Variants in CDC14B observed in about 807,000 individuals in gnomAD.
CDC14B encodes cell division cycle 14B.
Under a neutral mutation model 64.2 loss-of-function variants are expected in CDC14B, and 22 were observed. The ratio of observed to expected loss-of-function variants is 0.34; its 90% CI spans 0.24 to 0.49. The LOEUF (loss-of-function observed/expected upper bound fraction) is 0.49. Ranked by LOEUF, CDC14B falls within the 20% of genes least tolerant of loss-of-function variation. CDC14B has a pLI of 0.99. For missense variants in CDC14B, 498 were observed against 629.9 expected, an observed-to-expected ratio of 0.79 and a Z score of 2.24; for synonymous variants, 191 against 215.8, an observed-to-expected ratio of 0.89 and a Z score of 1.01.
At chr9:96,506,396 CAATTCTTAAAACCTATACAT>C (rs1190309717) in intron 13 of CDC14B, among the ~76,000 whole-genome samples, 1 of 152,268 alleles carries the variant, frequency 6.6e-6, no homozygotes, top group East Asian at 1.9e-4. Context: ...TGGCTAACTC[CAATTCTTAAAACCTATACAT>C]AATTTGCCTT....
chr9:96,497,455 C>T (rs1030509600), downstream of CDC14B, among the ~76,000 whole-genome samples: 3 of 152,196 alleles, frequency 2.0e-5, no homozygotes, highest in African/African-American at 4.8e-5. Flanking sequence ...GGGCAGGCTG[C>T]GCCAACCGCT....
At position 96,515,903 on chromosome 9, in the gene CDC14B, C is replaced by T; in HGVS notation, c.1344-6114G>A. On this transcript the variant is annotated intron_variant, in intron 12 of 13. Transcript: ENST00000375241. The surrounding 1 kb of genome is among the most constrained non-coding windows in gnomAD (Gnocchi z 4.3). ...GTGAATTTTAGACACCCTAAAAGCC[C>T]AGCCAACAGCAACAGGGATACAAAG... 1 of 921,814 alleles carries T rather than the reference C, an allele frequency of 1.1e-6. No homozygotes were observed. 57.1% of individuals were successfully genotyped at this position (921,814 alleles called of 1,614,324 possible).
At chr9:96,527,677 G>A (rs998483354) in intron 9 of CDC14B, among the ~76,000 whole-genome samples, 6 of 151,576 alleles carry the variant, frequency 4.0e-5, no homozygotes, top group African/African-American at 1.5e-4. Flanking sequence ...GTGCAATGGC[G>A]CAATCTCAGC....
chr9:96,508,877 G>A (rs118119568), intron 13 of CDC14B, among the ~76,000 whole-genome samples: 1 of 152,196 alleles, frequency 6.6e-6, no homozygotes, highest in African/African-American at 2.4e-5. Context: ...ACACGTGCAG[G>A]ACATTTTAAA....
intron 1 of CDC14B, among the ~76,000 whole-genome samples, chr9:96,608,624 C>T (rs937046344): frequency 3.3e-5 from 5 of 151,954 alleles, no homozygotes; most frequent in African/African-American, 1.2e-4. Context: ...ATCTTTAGTG[C>T]CTTCAATTTA....
downstream of CDC14B, among the ~76,000 whole-genome samples, chr9:96,497,048 A>G (rs938263999): frequency 7.2e-5 from 11 of 152,184 alleles, no homozygotes; most frequent in African/African-American, 2.7e-4. Context: ...AACACAGAGA[A>G]ACACACCCAG....
chr9:96,563,331 T>C (rs1298512292), intron 3 of CDC14B, among the ~76,000 whole-genome samples: 1 of 152,162 alleles, frequency 6.6e-6, no homozygotes, highest in East Asian at 1.9e-4. Context: ...TCTACATCCA[T>C]GATGTGTACA....
chr9:96,519,420 C>T (rs143579823), intron 12 of CDC14B, among the ~76,000 whole-genome samples: 99 of 152,144 alleles, frequency 6.5e-4, no homozygotes, highest in African/African-American at 2.3e-3. Flanking sequence ...CTTAAACTCT[C>T]CCCCAAAACT....
chr9:96,601,570 A>G (rs1846457561), intron 1 of CDC14B, among the ~76,000 whole-genome samples: 1 of 151,240 alleles, frequency 6.6e-6, no homozygotes, highest in Non-Finnish European at 1.5e-5. Flanking sequence ...CCGAGGCGGC[A>G]GATCACTTGA....
chr9:96,523,205 G>A, intron 11 of CDC14B, 56 bp downstream of exon 11: 1 of 1,566,878 alleles, frequency 6.4e-7, no homozygotes, highest in Non-Finnish European at 8.8e-7. Context: ...TACCCTGACA[G>A]GTTCTCAATA....
Position 96,502,759 on chromosome 9 carries a change from C to T in CDC14B, c.*994G>A, listed in dbSNP as rs1425394531. 1.0e-5 allele frequency: 4 copies of T among 397,406 alleles called. No homozygotes were observed. In the Admixed American group the frequency reaches 1.8e-4, roughly 18 times the overall value. 24.6% of individuals were successfully genotyped at this position (397,406 alleles called of 1,614,324 possible). On this transcript the variant is annotated 3_prime_UTR_variant, in exon 14 of 14. Coordinates refer to ENST00000375241, the MANE Select transcript of CDC14B (RefSeq NM_033331.4). Reference sequence around the variant, plus strand: ...GTGAGATCCAGAAGCAGATCATTGTCACTGAGATCGCAGGCCACGTCAATG... The same window carrying T: ...GTGAGATCCAGAAGCAGATCATTGTTACTGAGATCGCAGGCCACGTCAATG...
chr9:96,580,266 T>A (rs1845067216), intron 1 of CDC14B, among the ~76,000 whole-genome samples: 1 of 151,848 alleles, frequency 6.6e-6, no homozygotes, highest in South Asian at 2.1e-4. Flanking sequence ...TTCGCTCTTT[T>A]TTTTGCCCAG....
At chr9:96,552,534 C>T (rs537403299) in intron 4 of CDC14B, among the ~76,000 whole-genome samples, 1 of 151,906 alleles carries the variant, frequency 6.6e-6, no homozygotes, top group African/African-American at 2.4e-5. Flanking sequence ...GACTACTATG[C>T]GTAGGATTTT....
At chr9:96,598,613 GTGTGAGCCAC>G (rs1315966815) in intron 1 of CDC14B, among the ~76,000 whole-genome samples, 18 of 152,206 alleles carry the variant, frequency 1.2e-4, no homozygotes, top group African/African-American at 4.1e-4. Context: ...GGGATTATAG[GTGTGAGCCAC>G]TGTGCCCGGC....
At chr9:96,494,572 T>A (rs1043625915) in intron 13 of CDC14B, among the ~76,000 whole-genome samples, 1 of 152,188 alleles carries the variant, frequency 6.6e-6, no homozygotes, top group Non-Finnish European at 1.5e-5. Flanking sequence ...AAAGTTTCCT[T>A]GGACTCTAGA....
downstream of CDC14B, chr9:96,496,304 C>A (rs764337112): frequency 1.9e-6 from 1 of 514,586 alleles, no homozygotes; most frequent in East Asian, 5.5e-5. Context: ...TTGTGGATCC[C>A]GAGCCAGATC....
chr9:96,532,123 T>A (rs1237468165), intron 9 of CDC14B, among the ~76,000 whole-genome samples: 1 of 152,258 alleles, frequency 6.6e-6, no homozygotes. Context: ...ACAGTAATAA[T>A]ATTTTACAAA....
chr9:96,556,119 A>G (rs1320919838), intron 4 of CDC14B, among the ~76,000 whole-genome samples: 1 of 152,216 alleles, frequency 6.6e-6, no homozygotes, highest in East Asian at 1.9e-4. Context: ...ATATACTTAG[A>G]GAGCCTCTGT....
At chr9:96,529,515 G>A (rs957133010) in intron 9 of CDC14B, among the ~76,000 whole-genome samples, 7 of 139,228 alleles carry the variant, frequency 5.0e-5, no homozygotes, top group East Asian at 2.0e-4. Context: ...TTTTTGAGAC[G>A]GGATCTCACT....
Sources: gnomAD v4.1 joint callset for allele counts (sites outside exome capture counted in the v4.1 genomes callset) on GRCh38, gnomAD v4.1.1 for gene constraint, Gnocchi (gnomAD v3.1) non-coding constraint, MANE v1.5 for transcripts, NCBI Gene and HGNC (gene_info 2026-07-23, HGNC 2026-07-21) for gene names.